TASP1: variants seen among roughly 807,000 people sequenced by gnomAD.
TASP1 encodes taspase 1.
Under a neutral mutation model 56.6 loss-of-function variants are expected in TASP1, and 16 were observed. The observed-to-expected ratio is 0.28, with a 90% CI of 0.19 to 0.43. The LOEUF is 0.43. TASP1 is among the 20% of genes least tolerant of loss of function. The pLI is 1.00. For missense variants in TASP1, 393 were observed against 511.6 expected (o/e 0.77, Z 2.24); for synonymous variants, 179 against 184.2 (o/e 0.97, Z 0.23).
chr20:13,221,893 C>G, the TASP1 span: 1 of 1,387,824 alleles, frequency 7.2e-7, no homozygotes, highest in Non-Finnish European at 9.3e-7. Flanking sequence ...CCGCGGGCAA[C>G]GCCAGCCAAG....
chr20:13,297,647 G>A, the TASP1 span, among the ~76,000 whole-genome samples: 5 of 152,222 alleles, frequency 3.3e-5, no homozygotes, highest in African/African-American at 4.8e-5. Context: ...CCATGGAGGG[G>A]TCACCATTCA....
chr20:13,535,232 G>A (rs1329369175), intron 8 of TASP1, among the ~76,000 whole-genome samples: 3 of 152,124 alleles, frequency 2.0e-5, no homozygotes, highest in Non-Finnish European at 4.4e-5. Context: ...AAAAGTCAAT[G>A]AGCTCCCGGG....
At chr20:13,112,676 C>A in the TASP1 span, among the ~76,000 whole-genome samples, 1 of 152,164 alleles carries the variant, frequency 6.6e-6, no homozygotes. Flanking sequence ...TCATTTCACC[C>A]ACACAGGAAT....
At chr20:13,176,976 A>T in the TASP1 span, among the ~76,000 whole-genome samples, 1 of 152,166 alleles carries the variant, frequency 6.6e-6, no homozygotes, top group Admixed American at 6.5e-5. Context: ...ACGATGGCTC[A>T]TGCCTGTAAT....
intron 11 of TASP1, among the ~76,000 whole-genome samples, chr20:13,444,220 G>A (rs745686970): frequency 3.3e-4 from 50 of 152,174 alleles, no homozygotes; most frequent in South Asian, 6.2e-4. Flanking sequence ...TTGCAAAACC[G>A]GACACACAGC....
chr20:13,486,338 C>G (rs1008603806), intron 10 of TASP1, among the ~76,000 whole-genome samples: 1 of 151,978 alleles, frequency 6.6e-6, no homozygotes, highest in Non-Finnish European at 1.5e-5. Flanking sequence ...TTATAAAAGA[C>G]CTGACAAGAT....
chr20:13,499,965 C>G (rs1601015389), intron 10 of TASP1, among the ~76,000 whole-genome samples: 1 of 151,672 alleles, frequency 6.6e-6, no homozygotes. Context: ...ATAATAGACA[C>G]TGAGGACTTC....
At chr20:13,437,640 T>A (rs1312176799) in intron 11 of TASP1, among the ~76,000 whole-genome samples, 1 of 152,208 alleles carries the variant, frequency 6.6e-6, no homozygotes, top group Non-Finnish European at 1.5e-5. Flanking sequence ...CTCCTTAAGC[T>A]GATAGACAAT....
chr20:13,435,399 T>G (rs2042966929), intron 11 of TASP1, among the ~76,000 whole-genome samples: 1 of 152,120 alleles, frequency 6.6e-6, no homozygotes, highest in Non-Finnish European at 1.5e-5. Flanking sequence ...GGAATGTGCA[T>G]TACTGTATTC....
At chr20:13,417,167 A>G (rs1285418693) in intron 13 of TASP1, among the ~76,000 whole-genome samples, 2 of 152,060 alleles carry the variant, frequency 1.3e-5, no homozygotes, top group Non-Finnish European at 2.9e-5. Flanking sequence ...CCTCTTCTCT[A>G]CTTATTCACA....
chr20:13,173,628 A>G, the TASP1 span, among the ~76,000 whole-genome samples: 1 of 152,098 alleles, frequency 6.6e-6, no homozygotes, highest in Non-Finnish European at 1.5e-5. Flanking sequence ...GGGCATGCTA[A>G]GTCTGGCCCA....
intron 6 of TASP1, among the ~76,000 whole-genome samples, chr20:13,578,363 T>C (rs1191080715): frequency 1.3e-5 from 2 of 152,120 alleles, no homozygotes; most frequent in Admixed American, 6.5e-5. Context: ...ATTTTATAGT[T>C]CATAAATACT....
the TASP1 span, chr20:13,300,786 G>A: frequency 1.3e-5 from 2 of 152,320 alleles, no homozygotes; most frequent in Non-Finnish European, 2.9e-5. Context: ...ATTGTGGGTG[G>A]TGTAAGTCAT....
the TASP1 span, chr20:13,167,957 A>T: frequency 6.6e-6 from 1 of 152,196 alleles, no homozygotes; most frequent in Non-Finnish European, 1.5e-5. Context: ...AATTAAGTGT[A>T]TATATACTGG....
At chr20:13,564,950 G>A (rs546639745) in intron 7 of TASP1, among the ~76,000 whole-genome samples, 140 of 148,270 alleles carry the variant, frequency 9.4e-4, no homozygotes, top group Middle Eastern at 3.7e-3. Context: ...AGGTTGCAGT[G>A]AGCAGAGGAT....
chr20:13,242,443 A>G, the TASP1 span, among the ~76,000 whole-genome samples: 1 of 152,214 alleles, frequency 6.6e-6, no homozygotes, highest in East Asian at 1.9e-4. Context: ...ATCCAGGAGA[A>G]GGTTGAGGGG....
At chr20:13,412,825 T>C (rs2042134533) in intron 13 of TASP1, among the ~76,000 whole-genome samples, 1 of 152,206 alleles carries the variant, frequency 6.6e-6, no homozygotes, top group Non-Finnish European at 1.5e-5. Flanking sequence ...AATGTTGAAT[T>C]TGGAATTCTG....
At chr20:13,490,230 C>T (rs2043473616) in intron 10 of TASP1, among the ~76,000 whole-genome samples, 1 of 149,944 alleles carries the variant, frequency 6.7e-6, no homozygotes, top group Non-Finnish European at 1.5e-5. Flanking sequence ...TACAGAATTT[C>T]GTTTTAGTTC....
chr20:13,570,523 A>G (rs2046676227), intron 6 of TASP1, among the ~76,000 whole-genome samples: 1 of 152,160 alleles, frequency 6.6e-6, no homozygotes, highest in Non-Finnish European at 1.5e-5. Flanking sequence ...ACAGACTGGC[A>G]AAACAAAATC....
Sources: gnomAD v4.1 joint callset for allele counts (sites outside exome capture counted in the v4.1 genomes callset) on GRCh38, gnomAD v4.1.1 for gene constraint, MANE v1.5 for transcripts, NCBI Gene and HGNC (gene_info 2026-07-23, HGNC 2026-07-21) for gene names.